Variants in DSC2 observed in about 807,000 individuals in gnomAD.
The protein encoded by DSC2 is desmocollin-2.
Under a neutral mutation model 87.6 loss-of-function variants are expected in DSC2, and 51 were observed. That is an observed-to-expected ratio of 0.58 (90% CI 0.46 to 0.74). The LOEUF is 0.74. DSC2 is among the 30% of genes least tolerant of loss of function. The probability of loss-of-function intolerance (pLI) is 0.00; values close to 1 mark genes in which losing one functional copy is unlikely to be tolerated. For synonymous variants in DSC2, 383 were observed against 393.2 expected, an observed-to-expected ratio of 0.97 and a Z score of 0.31; for missense variants, 1,066 against 1,089.5, an observed-to-expected ratio of 0.98 and a Z score of 0.30.
chr18:31,069,710 G>C (rs959272231), intron 14 of DSC2, among the ~76,000 whole-genome samples: 1 of 133,378 alleles, frequency 7.5e-6, no homozygotes, highest in Non-Finnish European at 1.6e-5. Context: ...GCCAGATCTT[G>C]TCTCAAAAAA....
Position 31,102,197 on chromosome 18 carries a change from A to G in DSC2, c.-226T>C, listed in dbSNP as rs1046071467. 8 of 451,664 alleles carry G rather than the reference A, an allele frequency of 1.8e-5. No individual in the cohort carries two copies. The highest frequency in any genetic ancestry group is 1.4e-4 in the African/African-American group (7 of 48,422). 28.0% of individuals were successfully genotyped at this position (451,664 alleles called of 1,614,324 possible). A position where few individuals can be genotyped will look rare whatever the true frequency, so the allele number is the denominator to read the frequency against. On this transcript the variant is annotated 5_prime_UTR_variant, in exon 1 of 16. Transcript: ENST00000280904. ...GGAGGGAGGGGCTCCAGACGCGTCC[A>G]AAAGACACCGATCGGCCCCTCCTTG...
chr18:31,099,545 A>C (rs1047290057), intron 1 of DSC2, among the ~76,000 whole-genome samples: 57 of 152,222 alleles, frequency 3.7e-4, no homozygotes, highest in Admixed American at 2.0e-4. Flanking sequence ...AAGAAGAAAA[A>C]GACAAGACGC....
Position 31,079,834 on chromosome 18 carries a change from G to A in DSC2, c.1663+13C>T. ...CAAGGAAGTATGTAGCTGGCTTAAA[G>A]ACAAATTCTTACCTTGGTCTGATGC... is the stretch of plus-strand genomic sequence containing the variant. On this transcript the variant is annotated intron_variant, in intron 11 of 15. Transcript: ENST00000280904. 6.2e-7 allele frequency: 1 copy of A among 1,613,798 alleles called. No homozygotes were observed. The highest frequency in any genetic ancestry group is 8.5e-7 in the Non-Finnish European group (1 of 1,179,856).
At chr18:31,072,923 T>G (rs1986880909) in intron 12 of DSC2, among the ~76,000 whole-genome samples, 1 of 152,216 alleles carries the variant, frequency 6.6e-6, no homozygotes, top group African/African-American at 2.4e-5. Context: ...TTATAATTCC[T>G]AATGTGTCAT....
chr18:31,088,709 G>A (rs1010359213), intron 5 of DSC2, among the ~76,000 whole-genome samples: 2 of 152,132 alleles, frequency 1.3e-5, no homozygotes, highest in Admixed American at 1.3e-4. Context: ...AAAGGACTGA[G>A]TAAGCTTAGG....
rs1986685445 is a variant in DSC2, at chr18:31,068,047, T to C, written c.2674A>G (p.Arg892Gly). 1 of 1,614,070 alleles carries C rather than the reference T, an allele frequency of 6.2e-7. No individual in the cohort carries two copies. The highest frequency in any genetic ancestry group is 8.5e-7 in the Non-Finnish European group (1 of 1,179,990). Residue 892 changes from arginine to glycine, a missense_variant, in exon 16 of 16, where the codon AGG (arginine) becomes GGG (glycine). Arg to Gly is a moderately radical substitution (Grantham distance 125). Transcript: ENST00000280904. The stretch of plus-strand genomic sequence containing the variant: ...TTCATGCATGCTTCTGCTAGTGTCC[T>C]AAATTTGGGCTCCAAATTATCCAAA... ...EFLDNLEPKF[R>G]TLAEACMKR
Position 31,086,717 on chromosome 18 carries a change from A to G in DSC2, c.801T>C (p.Ala267=), listed in dbSNP as rs753522697. Residue 267 remains alanine (A), a synonymous_variant, in exon 7 of 16, where the codon GCT becomes GCC. Coordinates refer to ENST00000280904, the MANE Select transcript of DSC2 (RefSeq NM_024422.6). Reference sequence around the variant, plus strand: ...TCGTGTCAGGCTCATCTTTGTCAGTAGCACACACTTGTCCCACAGTAGTGC... The same window carrying G: ...TCGTGTCAGGCTCATCTTTGTCAGTGGCACACACTTGTCCCACAGTAGTGC... ...RVGTTVGQVC[A]TDKDEPDTMH... 2 of 1,614,106 alleles carry G rather than the reference A, an allele frequency of 1.2e-6. No individual in the cohort carries two copies. Among genetic ancestry groups the G allele is most frequent in the South Asian group, 1.1e-5 (1 of 91,072 alleles).
intron 12 of DSC2, among the ~76,000 whole-genome samples, chr18:31,073,422 T>G (rs959811358): frequency 1.3e-5 from 2 of 151,120 alleles, no homozygotes; most frequent in Non-Finnish European, 2.9e-5. Context: ...CAACAGAATA[T>G]TGTTTAGAAA....
rs374002111 is a variant in DSC2, at chr18:31,071,691, C to T, written c.2039G>A (p.Arg680His). 7.4e-6 allele frequency: 12 copies of T among 1,614,098 alleles called. No homozygotes were observed. Among genetic ancestry groups the T allele is most frequent in the Middle Eastern group, 1.7e-4 (1 of 6,060 alleles). The change falls in exon 13 of 16, where the codon CGT becomes CAT. Residue 680 changes from arginine to histidine, a missense_variant. Coordinates refer to ENST00000280904, the MANE Select transcript of DSC2 (RefSeq NM_024422.6). Reference sequence around the variant, plus strand: ...TCCACCGCCAATCCTTGGATCTACACGATGTGTGCAGTCATTTTCGGTAAT... The same window carrying T: ...TCCACCGCCAATCCTTGGATCTACATGATGTGTGCAGTCATTTTCGGTAAT... ...DCITENDCTH[R>H]VDPRIGGGGV...
rs879228292 is a variant in DSC2 at position 31,093,490 on chromosome 18, T to C, written c.154+69A>G. 6 of 1,214,816 alleles carry C rather than the reference T, an allele frequency of 4.9e-6. No homozygotes were observed. In the African/African-American group the frequency reaches 6.0e-5, roughly 12 times the overall value. 75.3% of individuals were successfully genotyped at this position (1,214,816 alleles called of 1,614,324 possible). On this transcript the variant is annotated intron_variant, in intron 2 of 15. Transcript: ENST00000280904. ...AAGATCTCGTTCCTTTTTATGGCTG[T>C]GTAGTATTCCATGGCGTATATGTAC... is the stretch of plus-strand genomic sequence containing the variant.
At chr18:31,093,803 ATT>A (rs1987682812) in intron 1 of DSC2, among the ~76,000 whole-genome samples, 160 bp from the exon 2 acceptor site, 1 of 149,310 alleles carries the variant, frequency 6.7e-6, no homozygotes, top group African/African-American at 2.4e-5. Context: ...TACACTAAAT[ATT>A]AATTTTAAAA....
chr18:31,089,672 T>G (rs1289991958), intron 4 of DSC2, 78 bp from the exon 5 acceptor site: 1 of 1,390,086 alleles, frequency 7.2e-7, no homozygotes, highest in Non-Finnish European at 1.0e-6. Context: ...TGAAATCTCA[T>G]TGCCATTTTA....
Position 31,092,476 on chromosome 18 carries a change from A to G in DSC2, c.155-176T>C, listed in dbSNP as rs185410415. On this transcript the variant is annotated intron_variant, in intron 2 of 15. Coordinates refer to ENST00000280904, the MANE Select transcript of DSC2 (RefSeq NM_024422.6). Reference sequence around the variant, plus strand: ...AATTAAGTTGTGCTTAAATACTTACATCACTTCTAATACCTACTTAACATT... The same window carrying G: ...AATTAAGTTGTGCTTAAATACTTACGTCACTTCTAATACCTACTTAACATT... 7.9e-5 allele frequency among the ~76,000 whole-genome samples: 12 copies of G among 152,354 alleles called. No individual in the cohort carries two copies. In the East Asian group the frequency reaches 2.1e-3, roughly 27 times the overall value.
chr18:31,099,618 T>C (rs571625754), intron 1 of DSC2, among the ~76,000 whole-genome samples: 73 of 150,610 alleles, frequency 4.8e-4, no homozygotes, highest in South Asian at 1.1e-3. Flanking sequence ...GGGGAGTGAA[T>C]GTCAAGAATA....
chr18:31,093,830 T>G (rs946645955), intron 1 of DSC2, among the ~76,000 whole-genome samples, 187 bp from the exon 2 acceptor site: 11 of 149,366 alleles, frequency 7.4e-5, no homozygotes, highest in Non-Finnish European at 1.5e-4. Context: ...TAATTAAATA[T>G]AAATACATGA....
chr18:31,080,375 A>G (rs1324857148), intron 9 of DSC2, 23 bp from the exon 10 acceptor site: 1 of 1,612,402 alleles, frequency 6.2e-7, no homozygotes, highest in East Asian at 2.2e-5. Context: ...ATGTATTGAA[A>G]AATCAGATGA....
chr18:31,102,002 G>T lies in DSC2; in HGVS notation c.-31C>A. On this transcript the variant is annotated 5_prime_UTR_variant, in exon 1 of 16. Transcript: ENST00000280904. ...GGGCTCGGGGCAGGTCGCGGGCCGA[G>T]CGTCGGGCCGGGGTAGGAGGGCTCC... 18 of 1,479,332 alleles carry T rather than the reference G, an allele frequency of 1.2e-5. No individual in the cohort carries two copies. Among genetic ancestry groups the T allele is most frequent in the Non-Finnish European group, 1.6e-5 (18 of 1,118,428 alleles). The allele number at this position is 1,479,332 out of a possible 1,614,324, so 91.6% of individuals were successfully genotyped here. A position where few individuals can be genotyped will look rare whatever the true frequency, so the allele number is the denominator to read the frequency against.
Position 31,079,945 on chromosome 18 carries a change from T to G in DSC2, c.1565A>C (p.Glu522Ala), listed in dbSNP as rs1275221604. ...TDPTGWVTID[E>A]NTGSIKVFRS... ...GAAAACTTTGATTGATCCTGTATTT[T>G]CATCAATGGTGACCCACCCTGTTGG... is the stretch of plus-strand genomic sequence containing the variant. The change falls in exon 11 of 16, where the codon GAA becomes GCA. Residue 522 changes from glutamate to alanine, a missense_variant. Coordinates refer to ENST00000280904, the MANE Select transcript of DSC2 (RefSeq NM_024422.6). 6.2e-7 allele frequency: 1 copy of G among 1,613,952 alleles called. No individual in the cohort carries two copies. The highest frequency in any genetic ancestry group is 1.3e-5 in the African/African-American group (1 of 74,948).
At position 31,069,033 on chromosome 18, in the gene DSC2, C is replaced by G; in HGVS notation, c.2369G>C (p.Gly790Ala). The G allele has an allele frequency of 6.2e-7, 1 of 1,612,602 alleles. No homozygotes were observed. ...CCGGCAGGATTCCGAGGTCTGGTGT[C>G]CTCCTTTCACCATTTCGATGGTCTC... ...GQETIEMVKG[G>A]HQTSESCRGA... Residue 790 changes from glycine (G) to alanine (A), a missense_variant, in exon 15 of 16, where the codon GGA (glycine) becomes GCA (alanine). Transcript: ENST00000280904.
Sources: gnomAD v4.1 joint callset for allele counts (sites outside exome capture counted in the v4.1 genomes callset) on GRCh38, gnomAD v4.1.1 for gene constraint, MANE v1.5 for transcripts, NCBI Gene and HGNC (gene_info 2026-07-23, HGNC 2026-07-21) for gene names.